The following PCDHA1 variants were observed in gnomAD, a reference collection of about 807,000 sequenced individuals.
The protein encoded by PCDHA1 is protocadherin alpha 1.
In PCDHA1, 42 loss-of-function variants were observed where a neutral mutation model predicts 61.3. The observed-to-expected ratio is 0.69, with a 90% CI of 0.54 to 0.89. The LOEUF (loss-of-function observed/expected upper bound fraction) is 0.89. Ranked by LOEUF, PCDHA1 falls within the 40% of genes least tolerant of loss-of-function variation. PCDHA1 has a pLI of 0.00. For missense variants in PCDHA1, 1,256 were observed against 1,235.3 expected (o/e 1.02, Z -0.25); for synonymous variants, 610 against 553.8 (o/e 1.10, Z -1.43).
chr5:140,875,407 A>G (rs2055457272), intron 1 of PCDHA1: 2 of 1,497,672 alleles, frequency 1.3e-6, no homozygotes, highest in Non-Finnish European at 1.8e-6. Flanking sequence ...GACTGCTCAT[A>G]AAATACCTCA....
At chr5:140,830,197 C>G (rs2150182627) in intron 1 of PCDHA1, 2 of 1,613,722 alleles carry the variant, frequency 1.2e-6, no homozygotes, top group African/African-American at 2.7e-5. Context: ...ACCTGATCAT[C>G]GCCATCTGCG....
Position 140,787,523 on chromosome 5 carries a change from C to T in PCDHA1, c.1233C>T (p.Ser411=). ...ATTACTACTCGTTGGTGTTGGACAGCGCCCTGGATCGCGAGAGCCTGTCGG... is the reference window on the plus strand; with the variant it reads ...ATTACTACTCGTTGGTGTTGGACAGTGCCCTGGATCGCGAGAGCCTGTCGG... The part of the protein sequence containing the change: ...FKNYYSLVLD[S]ALDRESLSVY... The change falls in exon 1 of 4, where the codon AGC becomes AGT. Residue 411 remains serine (S), a synonymous_variant. Coordinates refer to ENST00000504120, the MANE Select transcript of PCDHA1 (RefSeq NM_018900.4). The T allele has an allele frequency of 6.2e-7, 1 of 1,614,196 alleles. No homozygotes were observed. The highest frequency in any genetic ancestry group is 8.5e-7 in the Non-Finnish European group (1 of 1,180,052).
intron 1 of PCDHA1, chr5:140,803,882 G>A: frequency 1.8e-6 from 1 of 546,210 alleles, no homozygotes; most frequent in East Asian, 3.1e-5. Context: ...TTTTTTCTTA[G>A]ATGAATTGCA....
At position 140,786,280 on chromosome 5, in the gene PCDHA1, G is replaced by C. The variant is rs782147090; in HGVS notation, c.-11G>C. On this transcript the variant is annotated 5_prime_UTR_variant, in exon 1 of 4. Transcript: ENST00000504120. ...AAGAGGAGAGCATAAGAAAGGTGTAGTCCTTTTGCAATGGTGTTTTCTAGG... is the reference window on the plus strand; with the variant it reads ...AAGAGGAGAGCATAAGAAAGGTGTACTCCTTTTGCAATGGTGTTTTCTAGG... 6.3e-7 allele frequency: 1 copy of C among 1,588,422 alleles called. No individual in the cohort carries two copies. The highest frequency in any genetic ancestry group is 8.6e-7 in the Non-Finnish European group (1 of 1,168,468).
intron 1 of PCDHA1, chr5:140,809,506 C>A: frequency 6.2e-7 from 1 of 1,614,206 alleles, no homozygotes; most frequent in African/African-American, 1.3e-5. Context: ...TGGCCTTCAG[C>A]CCCAGTTTAC....
Position 140,843,486 on chromosome 5 carries a change from G to A in PCDHA1, c.2394+54802G>A. The A allele has an allele frequency of 2.5e-6, 4 of 1,595,976 alleles. 1 individual carries two copies. The highest frequency in any genetic ancestry group is 1.7e-5 in the Admixed American group (1 of 59,314). ...ACGCTGCTGCTGTACACTGCGCTGC[G>A]GTGCTCAGCACTGCCCACTGAGGGC... On this transcript the variant is annotated intron_variant, in intron 1 of 3. Transcript: ENST00000504120.
intron 3 of PCDHA1, among the ~76,000 whole-genome samples, chr5:141,000,533 T>G (rs1554257655): frequency 3.4e-5 from 5 of 147,384 alleles, no homozygotes; most frequent in Admixed American, 1.4e-4. Context: ...GTTCAAGTGA[T>G]TCTCATGCCT....
At chr5:140,802,929 A>C in intron 1 of PCDHA1, 1 of 1,613,804 alleles carries the variant, frequency 6.2e-7, no homozygotes, top group Non-Finnish European at 8.5e-7. Flanking sequence ...TGGCGCAGTG[A>C]GCGAGCTGGT....
At chr5:140,948,253 AT>A (rs1365335948) in intron 1 of PCDHA1, among the ~76,000 whole-genome samples, 1 of 151,624 alleles carries the variant, frequency 6.6e-6, no homozygotes, top group Non-Finnish European at 1.5e-5. Context: ...ATATTTTTAC[AT>A]CTGTGTTCAT....
At chr5:140,863,393 C>G (rs782189753) in intron 1 of PCDHA1, 2 of 924,736 alleles carry the variant, frequency 2.2e-6, no homozygotes, top group Non-Finnish European at 3.3e-6. Flanking sequence ...TCGTGCATGC[C>G]GGGCAAGCCC....
intron 1 of PCDHA1, among the ~76,000 whole-genome samples, chr5:140,909,950 C>T (rs940175754): frequency 1.3e-5 from 2 of 152,168 alleles, no homozygotes; most frequent in African/African-American, 4.8e-5. Flanking sequence ...GGTAAAAAGC[C>T]GTAGGTCTCC....
chr5:140,838,594 A>G (rs1775794332), intron 1 of PCDHA1, among the ~76,000 whole-genome samples: 1 of 152,002 alleles, frequency 6.6e-6, no homozygotes, highest in Non-Finnish European at 1.5e-5. Flanking sequence ...CAATAACCGA[A>G]TTGTCTAGAC....
At chr5:140,849,935 G>T (rs2150458512) in intron 1 of PCDHA1, 2 of 1,597,924 alleles carry the variant, frequency 1.3e-6, no homozygotes, top group African/African-American at 2.7e-5. Context: ...TGTCTGCGCG[G>T]GACGCTGACG....
At chr5:140,859,044 G>A (rs1228604447) in intron 1 of PCDHA1, 2 of 150,376 alleles carry the variant, frequency 1.3e-5, no homozygotes, top group Non-Finnish European at 3.0e-5. Flanking sequence ...CTTTAAAAAC[G>A]TTTTCCATTT....
intron 1 of PCDHA1, chr5:140,830,245 C>T (rs2150183338): frequency 2.0e-5 from 32 of 1,613,950 alleles, no homozygotes; most frequent in Admixed American, 3.3e-5. Flanking sequence ...TACTGCTGTA[C>T]ACAGCGCTGC....
chr5:140,898,462 C>T (rs1398136688), intron 1 of PCDHA1, among the ~76,000 whole-genome samples: 7 of 150,224 alleles, frequency 4.7e-5, no homozygotes, highest in African/African-American at 1.5e-4. Flanking sequence ...TTCCCCATTG[C>T]TTGTTTTTCT....
intron 1 of PCDHA1, among the ~76,000 whole-genome samples, chr5:140,900,355 G>A (rs555553636): frequency 1.4e-4 from 21 of 152,070 alleles, no homozygotes; most frequent in East Asian, 3.9e-4. Flanking sequence ...TTGGCTCACC[G>A]CAACCTCTGC....
chr5:140,986,106 G>A (rs2097187379), intron 3 of PCDHA1, among the ~76,000 whole-genome samples: 2 of 152,116 alleles, frequency 1.3e-5, no homozygotes, highest in Non-Finnish European at 2.9e-5. Context: ...AAAAGCCTAA[G>A]ATAAAGATGC....
intron 2 of PCDHA1, 158 bp downstream of exon 2, chr5:140,979,165 A>G (rs1586797430): frequency 1.0e-6 from 1 of 970,900 alleles, no homozygotes; most frequent in South Asian, 4.8e-5. Flanking sequence ...TTATTCCTTG[A>G]AAGATCGCAA....
Sources: gnomAD v4.1 joint callset for allele counts (sites outside exome capture counted in the v4.1 genomes callset) on GRCh38, gnomAD v4.1.1 for gene constraint, MANE v1.5 for transcripts, NCBI Gene and HGNC (gene_info 2026-07-23, HGNC 2026-07-21) for gene names.